Variants in PTPRT observed in about 807,000 individuals in gnomAD.
PTPRT encodes receptor-type tyrosine-protein phosphatase T.
Under a neutral mutation model 176.8 loss-of-function variants are expected in PTPRT, and 56 were observed. The observed-to-expected ratio is 0.32, with a 90% CI of 0.26 to 0.40. The LOEUF is 0.40. PTPRT is among the 10% of genes least tolerant of loss of function. The pLI, the probability that PTPRT is intolerant of heterozygous loss-of-function variation, is 1.00. For missense variants in PTPRT, 1,540 were observed against 1,908.2 expected (o/e 0.81, Z 3.60); for synonymous variants, 783 against 739.0 (o/e 1.06, Z -0.96).
chr20:42,959,116 A>C (rs1981840423), intron 1 of PTPRT, among the ~76,000 whole-genome samples: 1 of 152,086 alleles, frequency 6.6e-6, no homozygotes, highest in Non-Finnish European at 1.5e-5. Flanking sequence ...GTAACCCAAA[A>C]CTGGACTACT....
intron 7 of PTPRT, among the ~76,000 whole-genome samples, chr20:42,575,882 C>G (rs941887988): frequency 6.6e-6 from 1 of 152,150 alleles, no homozygotes; most frequent in Admixed American, 6.5e-5. Context: ...GCTCCCTCCC[C>G]GCCTGCCTCC....
intron 7 of PTPRT, among the ~76,000 whole-genome samples, chr20:42,653,630 C>T (rs573727487): frequency 6.6e-6 from 1 of 152,328 alleles, no homozygotes; most frequent in Non-Finnish European, 1.5e-5. Flanking sequence ...GATACACCTG[C>T]ATTCTACCTT....
At chr20:42,373,602 T>C (rs756091105) in intron 9 of PTPRT, among the ~76,000 whole-genome samples, 3 of 152,172 alleles carry the variant, frequency 2.0e-5, no homozygotes, top group Non-Finnish European at 4.4e-5. Context: ...GATACCAATA[T>C]GAATTCGCAG....
chr20:42,892,703 T>C (rs943111787), intron 1 of PTPRT, among the ~76,000 whole-genome samples: 12 of 151,920 alleles, frequency 7.9e-5, no homozygotes, highest in African/African-American at 2.7e-4. Context: ...CCACATACAT[T>C]CTCATGATTC....
At chr20:43,002,561 C>T (rs953541413) in intron 1 of PTPRT, among the ~76,000 whole-genome samples, 8 of 152,054 alleles carry the variant, frequency 5.3e-5, no homozygotes, top group African/African-American at 1.7e-4. Context: ...ATTTACACTA[C>T]AAAAGCCAAA....
intron 8 of PTPRT, 85 bp from the exon 9 acceptor site, chr20:42,448,414 G>A: frequency 9.6e-7 from 1 of 1,045,532 alleles, no homozygotes; most frequent in Non-Finnish European, 1.5e-6. Flanking sequence ...GGTTGACAAA[G>A]TTGCTGTAAA....
chr20:42,085,280 C>A (rs1490045814), intron 28 of PTPRT, among the ~76,000 whole-genome samples: 3 of 152,118 alleles, frequency 2.0e-5, no homozygotes, highest in Non-Finnish European at 4.4e-5. Context: ...TAGTTAGCAA[C>A]CATTTCATAG....
intron 1 of PTPRT, among the ~76,000 whole-genome samples, chr20:42,886,425 T>A (rs1175305520): frequency 6.6e-6 from 1 of 152,108 alleles, no homozygotes; most frequent in Non-Finnish European, 1.5e-5. Context: ...CGGAGGGAAA[T>A]GTCCAACCTC....
chr20:42,431,023 T>C (rs1227816317), intron 9 of PTPRT, among the ~76,000 whole-genome samples: 1 of 152,188 alleles, frequency 6.6e-6, no homozygotes, highest in African/African-American at 2.4e-5. Context: ...CATGTTCGTG[T>C]GTGCGGTGGG....
At chr20:42,199,460 G>A in intron 15 of PTPRT, 72 bp from the exon 16 acceptor site, 2 of 1,502,476 alleles carry the variant, frequency 1.3e-6, no homozygotes, top group Non-Finnish European at 1.8e-6. Context: ...TGGGTAGATT[G>A]TTCTTCCCCA....
chr20:43,088,592 T>C (rs1018324560), intron 1 of PTPRT, among the ~76,000 whole-genome samples: 6 of 152,100 alleles, frequency 3.9e-5, no homozygotes, highest in Admixed American at 2.6e-4. Context: ...CTTTTGGCCC[T>C]TTAACTCTGA....
rs11473270 is a variant in PTPRT at position 42,251,724 on chromosome 20, C to CA, written c.2177-2903dup. The stretch of plus-strand genomic sequence containing the variant: ...CAAGCACCCTGTTGTACTTAAAAAA[C>CA]AAAAAAAAGAAAAGAAATGTAGTAT... On this transcript the variant is annotated intron_variant, in intron 13 of 30. Transcript: ENST00000373187. Among the ~76,000 whole-genome samples, 775 of 148,176 alleles carry CA rather than the reference C, an allele frequency of 5.2e-3. 2 individuals carry two copies. Among genetic ancestry groups the CA allele is most frequent in the Non-Finnish European group, 8.7e-3 (586 of 67,264 alleles).
intron 6 of PTPRT, among the ~76,000 whole-genome samples, chr20:42,733,562 G>C (rs1049007992): frequency 6.6e-6 from 1 of 152,190 alleles, no homozygotes; most frequent in Non-Finnish European, 1.5e-5. Context: ...TCGAACTGGA[G>C]CTGGCTGGGG....
chr20:42,916,817 T>A (rs1310140888), intron 1 of PTPRT, among the ~76,000 whole-genome samples: 1 of 152,222 alleles, frequency 6.6e-6, no homozygotes, highest in Non-Finnish European at 1.5e-5. Context: ...GGGTTGTTTT[T>A]TTCTTGTAAA....
At chr20:42,372,720 G>T (rs997178748) in intron 9 of PTPRT, among the ~76,000 whole-genome samples, 4 of 152,188 alleles carry the variant, frequency 2.6e-5, no homozygotes, top group Admixed American at 2.0e-4. Flanking sequence ...ACCTTTGGGA[G>T]GGCAGAACTG....
intron 1 of PTPRT, among the ~76,000 whole-genome samples, chr20:43,021,125 CAATTA>C (rs1484621135): frequency 1.3e-5 from 2 of 152,072 alleles, no homozygotes; most frequent in East Asian, 1.9e-4. Flanking sequence ...AAAAAATCAA[CAATTA>C]AATAAAGAAA....
intron 1 of PTPRT, among the ~76,000 whole-genome samples, chr20:43,025,655 G>T (rs901232272): frequency 6.6e-6 from 1 of 152,098 alleles, no homozygotes; most frequent in African/African-American, 2.4e-5. Flanking sequence ...TCATTCAAAG[G>T]TTCCTGTCTT....
At chr20:42,977,170 A>G (rs1360400109) in intron 1 of PTPRT, among the ~76,000 whole-genome samples, 7 of 152,198 alleles carry the variant, frequency 4.6e-5, no homozygotes. Context: ...AGATGAAAGG[A>G]GAGAATGGAG....
chr20:42,486,615 A>G (rs2071468488), intron 7 of PTPRT, among the ~76,000 whole-genome samples: 1 of 152,020 alleles, frequency 6.6e-6, no homozygotes, highest in African/African-American at 2.4e-5. Context: ...ATAACAAATC[A>G]CCCCCAAAGC....
Sources: allele counts gnomAD v4.1 joint callset (sites outside exome capture counted in the v4.1 genomes callset), GRCh38; gene constraint gnomAD v4.1.1; transcripts MANE v1.5; gene names NCBI Gene and HGNC (gene_info 2026-07-23, HGNC 2026-07-21).